PLEKHN1: variants seen among roughly 807,000 people sequenced by gnomAD.
The protein encoded by PLEKHN1 is pleckstrin homology domain containing N1, also known as pleckstrin homology domain-containing family N member 1.
Under a neutral mutation model 72.8 loss-of-function variants are expected in PLEKHN1, and 68 were observed. The ratio of observed to expected loss-of-function variants is 0.93; its 90% CI spans 0.77 to 1.14. The LOEUF (loss-of-function observed/expected upper bound fraction) is 1.14, where lower values mean the gene tolerates loss of function less well. Among genes scored for constraint, PLEKHN1 ranks in the 50% most tolerant of loss-of-function variants. PLEKHN1 has a pLI of 0.00. For missense variants in PLEKHN1, 1,015 were observed against 840.5 expected (o/e 1.21, Z -2.57); for synonymous variants, 454 against 371.6 (o/e 1.22, Z -2.55).
rs1196132501 is a variant in PLEKHN1 at position 970,394 on chromosome 1, A to G, written c.301A>G (p.Lys101Glu). 6.2e-7 allele frequency: 1 copy of G among 1,613,500 alleles called. No individual in the cohort carries two copies. Among genetic ancestry groups the G allele is most frequent in the Non-Finnish European group, 8.5e-7 (1 of 1,179,944 alleles). Residue 101 changes from lysine to glutamate, a missense_variant, in exon 3 of 16, where the codon AAG (lysine) becomes GAG (glutamate). Transcript: ENST00000379410. The surrounding 1 kb of genome is among the most constrained non-coding windows in gnomAD (Gnocchi z 4.2). ...RNLGKVVHYA[K>E]VQLRFQHSQD... ...CCTGGGAAAAGTTGTGCATTACGCC[A>G]AGGTCCAGCTGCGGTTCCAGCACAG...
intron 2 of PLEKHN1, among the ~76,000 whole-genome samples, chr1:968,484 C>T (rs1444109350): frequency 2.0e-5 from 3 of 152,216 alleles, no homozygotes; most frequent in Non-Finnish European, 4.4e-5. Context: ...GAGTCCCCTC[C>T]CCTCTCAGCA....
Position 972,963 on chromosome 1 carries a change from G to A in PLEKHN1, c.1105G>A (p.Glu369Lys). 6.3e-7 allele frequency: 1 copy of A among 1,586,030 alleles called. No homozygotes were observed. Among genetic ancestry groups the A allele is most frequent in the Non-Finnish European group, 8.6e-7 (1 of 1,165,620 alleles). Reference protein sequence around the residue: ...PSTRTSHSLPESSVPSTVGCS... With the variant: ...PSTRTSHSLPKSSVPSTVGCS... ...CACCCGCACCAGCCACTCCCTGCCT[G>A]AGTCCTCAGTGCCATCCACCGTGGG... Residue 369 changes from glutamate to lysine, a missense_variant, in exon 11 of 16, where the codon GAG (glutamate) becomes AAG (lysine). By Grantham distance (56) the Glu-to-Lys change is moderately conservative. Transcript: ENST00000379410.
At chr1:971,433 C>A (rs1212309271) in intron 8 of PLEKHN1, 29 bp downstream of exon 8, 1 of 1,543,124 alleles carries the variant, frequency 6.5e-7, no homozygotes, top group Non-Finnish European at 8.8e-7. Context: ...TGGGCCCGCC[C>A]CAGGGAGGCA....
intron 2 of PLEKHN1, among the ~76,000 whole-genome samples, chr1:967,392 C>T (rs1014530052): frequency 2.0e-5 from 3 of 150,930 alleles, no homozygotes; most frequent in African/African-American, 7.3e-5. Flanking sequence ...CCCCCAGCCC[C>T]TGTGGGACTA....
In PLEKHN1 at chr1:970,793, T is replaced by A. The variant is rs766328640; in HGVS notation, c.484+35T>A. ...ATGCTTCCCGGGCCCCCAGAGGCAC[T>A]CCTGACCCAGGACTTGGAGAGGGGC... On this transcript the variant is annotated intron_variant, in intron 5 of 15. Coordinates refer to ENST00000379410, the MANE Select transcript of PLEKHN1 (RefSeq NM_032129.3). The surrounding 1 kb of genome is among the most constrained non-coding windows in gnomAD (Gnocchi z 4.2). 5 of 1,612,672 alleles carry A rather than the reference T, an allele frequency of 3.1e-6. No homozygotes were observed. The Admixed American group carries it at 6.7e-5, about 21-fold the overall frequency.
chr1:971,047 TCGCAG>T, intron 6 of PLEKHN1, 41 bp downstream of exon 6: 2 of 1,436,156 alleles, frequency 1.4e-6, no homozygotes, highest in Non-Finnish European at 1.9e-6. Context: ...ACCCTGATCC[TCGCAG>T]CCGGCTCTGA....
Position 974,519 on chromosome 1 carries a change from A to C in PLEKHN1, c.1780A>C (p.Lys594Gln). 6.2e-7 allele frequency: 1 copy of C among 1,612,554 alleles called. No homozygotes were observed. The highest frequency in any genetic ancestry group is 8.5e-7 in the Non-Finnish European group (1 of 1,179,892). Residue 594 changes from lysine to glutamine, a missense_variant, in exon 16 of 16, where the codon AAG becomes CAG. By Grantham distance (53) the Lys-to-Gln change is moderately conservative. Transcript: ENST00000379410. ...CGAGACTTTGTCTTCCTCCCACCAG[A>C]AGTGCCCCCAGCTTGGAGGGCCTGA... is the stretch of plus-strand genomic sequence containing the variant. ...WDETLSSSHQ[K>Q]CPQLGGPEAS...
Position 966,711 on chromosome 1 carries a change from A to G in PLEKHN1, c.91A>G (p.Ser31Gly). ...KPSLKGNREDSARMSAGLPGP... is the reference protein window; with the variant it reads ...KPSLKGNREDGARMSAGLPGP... ...CCCTTGCCTTGTCCCCAGAGAGGAC[A>G]GCGCGCGGATGTCGGCCGGCCTGCC... The change falls in exon 2 of 16, where the codon AGC becomes GGC. Residue 31 changes from serine (S) to glycine (G), a missense_variant. By Grantham distance (56) the Ser-to-Gly change is moderately conservative. Transcript: ENST00000379410. The G allele has an allele frequency of 1.3e-6, 2 of 1,575,018 alleles. No homozygotes were observed. The highest frequency in any genetic ancestry group is 1.7e-6 in the Non-Finnish European group (2 of 1,160,202).
Position 973,913 on chromosome 1 carries a change from T to C in PLEKHN1, c.1515T>C (p.Ser505=). ...LPSVPVSVPA[S]DPRSCSSGPA... is the part of the protein sequence containing the mutation. ...CGGTGCCTGTGTCTGTGCCTGCCTC[T>C]GACCCTCGCTCCTGCTCCTCCGGCC... The change falls in exon 14 of 16, where the codon TCT becomes TCC. Residue 505 remains serine, a synonymous_variant. Transcript: ENST00000379410. The C allele has an allele frequency of 1.9e-6, 3 of 1,611,450 alleles. No individual in the cohort carries two copies. The highest frequency in any genetic ancestry group is 2.5e-6 in the Non-Finnish European group (3 of 1,179,914).
At position 974,635 on chromosome 1, in the gene PLEKHN1, TC is replaced by T; in HGVS notation, c.*61del. ...CGCCAAGCTCCAGGGTACCTGCCCC[TC>T]TAACCCACTTCAAATTACAAGTCAG... On this transcript the variant is annotated 3_prime_UTR_variant, in exon 16 of 16. Coordinates refer to ENST00000379410, the MANE Select transcript of PLEKHN1 (RefSeq NM_032129.3). The T allele has an allele frequency of 1.3e-6, 2 of 1,532,702 alleles. No individual in the cohort carries two copies. Among genetic ancestry groups the T allele is most frequent in the Non-Finnish European group, 1.8e-6 (2 of 1,137,376 alleles). 94.9% of individuals were successfully genotyped at this position (1,532,702 alleles called of 1,614,324 possible). A position where few individuals can be genotyped will look rare whatever the true frequency, so the allele number is the denominator to read the frequency against.
chr1:971,463 G>A (rs1643324995), intron 8 of PLEKHN1, 59 bp downstream of exon 8: 1 of 1,446,346 alleles, frequency 6.9e-7, no homozygotes, highest in South Asian at 1.2e-5. Context: ...GGGTGGGAGG[G>A]GGCAGCCATG....
At chr1:966,837 G>C in intron 2 of PLEKHN1, 34 bp downstream of exon 2, 1 of 1,529,274 alleles carries the variant, frequency 6.5e-7, no homozygotes, top group South Asian at 1.2e-5. Context: ...TGTGGTCTGG[G>C]AGCGTGGCTC....
chr1:974,074 G>T, intron 14 of PLEKHN1, 23 bp downstream of exon 14: 2 of 1,554,704 alleles, frequency 1.3e-6, no homozygotes, highest in Non-Finnish European at 1.7e-6. Flanking sequence ...CCCCACGCCC[G>T]TGTGCCCCGG....
Position 971,113 on chromosome 1 carries a change from C to T in PLEKHN1, c.613C>T (p.Arg205Cys), listed in dbSNP as rs775326001. ...AGACGAACTCCCCTGGACTTTGCAG[C>T]GCCGTCTAACCCGGCTGCGGACGGC... ...PRRCHSAPPQ[R>C]RLTRLRTASG... is the part of the protein sequence containing the mutation. Residue 205 changes from arginine to cysteine, a missense_variant and splice_region_variant, in exon 7 of 16, where the codon CGC (arginine) becomes TGC (cysteine). Coordinates refer to ENST00000379410, the MANE Select transcript of PLEKHN1 (RefSeq NM_032129.3). 6.1e-5 allele frequency: 98 copies of T among 1,594,530 alleles called. No homozygotes were observed. The highest frequency in any genetic ancestry group is 3.4e-4 in the East Asian group (15 of 43,882).
Position 970,868 on chromosome 1 carries a change from CCTGCCCGCAGGCCCA to C in PLEKHN1, c.485-1_498del. 1.9e-6 allele frequency: 3 copies of C among 1,611,800 alleles called. No homozygotes were observed. The highest frequency in any genetic ancestry group is 2.2e-5 in the South Asian group (2 of 91,072). Reference sequence around the variant, plus strand: ...GTGTGTATGTGTGTGCCCTCTCTGCCCTGCCCGCAGGCCCACTGCCCGCACCCCTCCTGGTGCTCT... The same window carrying C: ...GTGTGTATGTGTGTGCCCTCTCTGCCCTGCCCGCACCCCTCCTGGTGCTCT... On this transcript the variant is annotated splice_acceptor_variant and splice_polypyrimidine_tract_variant and coding_sequence_variant and intron_variant, in exon 6 of 16. Transcript: ENST00000379410. LOFTEE classifies it high-confidence loss of function. The surrounding 1 kb of genome is among the most constrained non-coding windows in gnomAD (Gnocchi z 4.2).
chr1:971,108 T>C lies in PLEKHN1; in HGVS notation c.613-5T>C, dbSNP rs1430168188. ...TGCGGAGACGAACTCCCCTGGACTTTGCAGCGCCGTCTAACCCGGCTGCGG... is the reference window on the plus strand; with the variant it reads ...TGCGGAGACGAACTCCCCTGGACTTCGCAGCGCCGTCTAACCCGGCTGCGG... On this transcript the variant is annotated splice_region_variant and splice_polypyrimidine_tract_variant and intron_variant, in intron 6 of 15. Coordinates refer to ENST00000379410, the MANE Select transcript of PLEKHN1 (RefSeq NM_032129.3). 6.3e-7 allele frequency: 1 copy of C among 1,593,344 alleles called. No homozygotes were observed. The highest frequency in any genetic ancestry group is 2.3e-5 in the East Asian group (1 of 43,848).
rs1570049923 is a variant in PLEKHN1, at chr1:973,722, C to A, written c.1434+82C>A. 22 of 1,569,736 alleles carry A rather than the reference C, an allele frequency of 1.4e-5. No homozygotes were observed. The South Asian group carries it at 2.4e-4, about 17-fold the overall frequency. ...GGAGGTCTAGACCGTGCGTCTCACC[C>A]TGGGGTCTGGGGCTGCCCCAAGCCT... On this transcript the variant is annotated intron_variant, in intron 13 of 15. Coordinates refer to ENST00000379410, the MANE Select transcript of PLEKHN1 (RefSeq NM_032129.3).
chr1:974,693 TG>T lies in PLEKHN1; in HGVS notation c.*122del. The T allele has an allele frequency of 7.9e-7, 1 of 1,258,464 alleles. No homozygotes were observed. 78.0% of individuals were successfully genotyped at this position (1,258,464 alleles called of 1,614,324 possible). On this transcript the variant is annotated 3_prime_UTR_variant, in exon 16 of 16. Transcript: ENST00000379410. ...AACCCAGTGTGATGGGGGGAGTCTC[TG>T]GGGCCCTGAGTTCAGAGCCCGTCCC...
In PLEKHN1 at chr1:971,180, G is replaced by A. The variant is rs767650343; in HGVS notation, c.680G>A (p.Arg227Lys). The A allele has an allele frequency of 1.9e-6, 3 of 1,593,746 alleles. No homozygotes were observed. The highest frequency in any genetic ancestry group is 2.6e-6 in the Non-Finnish European group (3 of 1,171,066). Residue 227 changes from arginine (R) to lysine (K), a missense_variant, in exon 7 of 16, where the codon AGG becomes AAG. Arg to Lys is a conservative substitution (Grantham distance 26). Transcript: ENST00000379410. ...EPGGSAVCAS[R>K]VKLQHLPAQE... The stretch of plus-strand genomic sequence containing the variant: ...GGCGGCAGTGCTGTCTGTGCCTCGA[G>A]GGTCAAGCTGCAGCACCTGCCCGCA...
Sources: allele counts gnomAD v4.1 joint callset (sites outside exome capture counted in the v4.1 genomes callset), GRCh38; gene constraint gnomAD v4.1.1; non-coding constraint Gnocchi (gnomAD v3.1); transcripts MANE v1.5; gene names NCBI Gene and HGNC (gene_info 2026-07-23, HGNC 2026-07-21).